RAD51B: variants seen among roughly 807,000 people sequenced by gnomAD.
The protein encoded by RAD51B is DNA repair protein RAD51 homolog 2.
A neutral mutation model predicts 42.2 loss-of-function variants in RAD51B; 38 were observed. That is an observed-to-expected ratio of 0.90 (90% CI 0.70 to 1.18). The LOEUF is 1.18. RAD51B is among the 50% of genes most tolerant of loss of function. The pLI is 0.00. For missense variants in RAD51B, 373 were observed against 400.7 expected (o/e 0.93, Z 0.59); for synonymous variants, 154 against 145.2 (o/e 1.06, Z -0.43).
intron 7 of RAD51B, among the ~76,000 whole-genome samples, chr14:68,099,335 A>G (rs966096218): frequency 1.3e-5 from 2 of 152,196 alleles, no homozygotes; most frequent in East Asian, 1.9e-4. Context: ...TAGGTTATAG[A>G]TGTCTGTGAA....
In RAD51B at chr14:68,391,231, T is replaced by C. The variant is rs575874388; in HGVS notation, c.854-20193T>C. ...CATGTAGCATTTCTTTTTCACATTG[T>C]TTCTGATGACCCTTAACCCCTGCTT... On this transcript the variant is annotated intron_variant, in intron 8 of 10. Coordinates refer to ENST00000471583, the MANE Select transcript of RAD51B (RefSeq NM_133510.4). Among the ~76,000 whole-genome samples the C allele has an allele frequency of 3.3e-5, 5 of 152,146 alleles. No individual in the cohort carries two copies. The South Asian group carries it at 1.0e-3, about 32-fold the overall frequency.
chr14:68,562,503 TCCCTCTGCA>T, intron 10 of RAD51B: 3 of 985,380 alleles, frequency 3.0e-6, no homozygotes, highest in Non-Finnish European at 3.6e-6. Context: ...TGCCTCAGTT[TCCCTCTGCA>T]GGGTGGAGCC....
At chr14:68,439,688 A>T (rs1015472661) in intron 9 of RAD51B, among the ~76,000 whole-genome samples, 3 of 152,228 alleles carry the variant, frequency 2.0e-5, no homozygotes, top group Non-Finnish European at 4.4e-5. Context: ...CCTGAATGGC[A>T]TGAGAAAAGG....
At chr14:68,595,156 T>C (rs188380297) in exon 11 of RAD51B, 3 of 1,066,470 alleles carry the variant, frequency 2.8e-6, no homozygotes, top group Non-Finnish European at 3.4e-6. Context: ...TTTATTCTCT[T>C]CCCTCCCAAT....
At chr14:68,630,558 G>A (rs1256069886) in intron 10 of RAD51B, among the ~76,000 whole-genome samples, 1 of 152,182 alleles carries the variant, frequency 6.6e-6, no homozygotes, top group African/African-American at 2.4e-5. Context: ...GCACATTTGT[G>A]ATGCGATACT....
At chr14:68,408,386 T>A (rs748085494) in intron 8 of RAD51B, among the ~76,000 whole-genome samples, 1 of 152,202 alleles carries the variant, frequency 6.6e-6, no homozygotes, top group Non-Finnish European at 1.5e-5. Flanking sequence ...GATACTGAAT[T>A]TGCAGTGCTA....
intron 7 of RAD51B, among the ~76,000 whole-genome samples, chr14:68,098,879 G>C (rs1331500440): frequency 2.6e-5 from 4 of 152,218 alleles, no homozygotes; most frequent in Non-Finnish European, 5.9e-5. Flanking sequence ...TGAGAGACAA[G>C]TTGTGTCCAT....
At chr14:68,137,835 G>GT (rs1215786317) in intron 7 of RAD51B, among the ~76,000 whole-genome samples, 1 of 152,164 alleles carries the variant, frequency 6.6e-6, no homozygotes, top group Non-Finnish European at 1.5e-5. Context: ...GACACTGCCT[G>GT]TTGCTGCTCC....
chr14:68,361,583 G>T (rs539543661), intron 8 of RAD51B, among the ~76,000 whole-genome samples: 150 of 152,212 alleles, frequency 9.9e-4, no homozygotes, highest in Non-Finnish European at 1.8e-3. Context: ...TTTTAGCTAT[G>T]GGGGGTAAGG....
At chr14:68,592,616 G>C (rs1467174206) in intron 10 of RAD51B, among the ~76,000 whole-genome samples, 1 of 152,182 alleles carries the variant, frequency 6.6e-6, no homozygotes. Flanking sequence ...AAGTTCTTCT[G>C]CCACGTATCA....
At chr14:68,425,362 A>G (rs935045590) in intron 9 of RAD51B, among the ~76,000 whole-genome samples, 5 of 152,268 alleles carry the variant, frequency 3.3e-5, no homozygotes, top group Non-Finnish European at 5.9e-5. Flanking sequence ...ATTATAAACT[A>G]TTAAAAGGTA....
intron 8 of RAD51B, among the ~76,000 whole-genome samples, chr14:68,380,785 T>C (rs1257923202): frequency 2.0e-5 from 3 of 152,210 alleles, no homozygotes; most frequent in Non-Finnish European, 4.4e-5. Context: ...GCTTAGAACA[T>C]GTGGATTGCA....
At chr14:68,058,588 T>C (rs1381337682) in intron 7 of RAD51B, among the ~76,000 whole-genome samples, 1 of 152,208 alleles carries the variant, frequency 6.6e-6, no homozygotes, top group African/African-American at 2.4e-5. Flanking sequence ...TTTTTACTTA[T>C]AAATCTGACT....
At chr14:68,221,630 A>C (rs1034007279) in intron 7 of RAD51B, among the ~76,000 whole-genome samples, 4 of 152,218 alleles carry the variant, frequency 2.6e-5, no homozygotes, top group African/African-American at 9.6e-5. Context: ...GCTTAGGCAA[A>C]GACTTCATGA....
At chr14:67,985,476 C>A (rs778156286) in intron 7 of RAD51B, among the ~76,000 whole-genome samples, 1 of 152,148 alleles carries the variant, frequency 6.6e-6, no homozygotes, top group Non-Finnish European at 1.5e-5. Context: ...CCTATTGTCC[C>A]TTTATGACCT....
rs966638597 is a variant in RAD51B at position 68,605,728 on chromosome 14, G to A, written c.1037-5278G>A. ...CGACCCTATTTCCAAATAAGGTCAC[G>A]TTCTGAGGCTCTGGAAAGGACATGA... On this transcript the variant is annotated intron_variant, in intron 10 of 10. Coordinates refer to the RAD51B transcript ENST00000487861. 2.7e-4 allele frequency among the ~76,000 whole-genome samples: 41 copies of A among 152,156 alleles called. 1 individual carries two copies. Among genetic ancestry groups the A allele is most frequent in the East Asian group, 1.9e-4 (1 of 5,196 alleles).
chr14:68,184,119 G>C (rs1461105772), intron 7 of RAD51B, among the ~76,000 whole-genome samples: 1 of 151,514 alleles, frequency 6.6e-6, no homozygotes, highest in African/African-American at 2.4e-5. Flanking sequence ...AAAATTACCC[G>C]GGTATGGTGG....
chr14:67,910,187 G>T (rs938668964), intron 7 of RAD51B, among the ~76,000 whole-genome samples: 1 of 151,962 alleles, frequency 6.6e-6, no homozygotes, highest in Non-Finnish European at 1.5e-5. Flanking sequence ...CTGCGTATAC[G>T]AATATAGCCA....
chr14:68,016,163 G>C (rs4902544), intron 7 of RAD51B, among the ~76,000 whole-genome samples: 41,600 of 152,036 alleles, frequency 0.27, 7,430 homozygotes, highest in African/African-American at 0.51. Flanking sequence ...AGCCATCAGC[G>C]TATGCCTCTA....
Sources: gnomAD v4.1 joint callset for allele counts (sites outside exome capture counted in the v4.1 genomes callset) on GRCh38, gnomAD v4.1.1 for gene constraint, MANE v1.5 for transcripts, NCBI Gene and HGNC (gene_info 2026-07-23, HGNC 2026-07-21) for gene names.